The following NPAS3 variants were observed in gnomAD, a reference collection of about 807,000 sequenced individuals.
NPAS3 encodes the protein neuronal PAS domain protein 3.
Under a neutral mutation model 73.1 loss-of-function variants are expected in NPAS3, and 14 were observed. The observed-to-expected ratio is 0.19, with a 90% CI of 0.13 to 0.30. The LOEUF (loss-of-function observed/expected upper bound fraction) is 0.30, where lower values mean the gene tolerates loss of function less well. Among genes scored for constraint, NPAS3 ranks in the 10% least tolerant of loss-of-function variants. The pLI, the probability that NPAS3 is intolerant of heterozygous loss-of-function variation, is 1.00. For missense variants in NPAS3, 1,096 were observed against 1,250.0 expected (o/e 0.88, Z 1.86); for synonymous variants, 620 against 541.5 (o/e 1.14, Z -2.01).
At chr14:33,430,797 G>A (rs1467920105) in intron 4 of NPAS3, among the ~76,000 whole-genome samples, 1 of 152,128 alleles carries the variant, frequency 6.6e-6, no homozygotes, top group Admixed American at 6.6e-5. Flanking sequence ...AGGAGTGGTG[G>A]CCTTTATCTG....
At chr14:33,330,614 G>A (rs2043940625) in intron 3 of NPAS3, among the ~76,000 whole-genome samples, 1 of 152,176 alleles carries the variant, frequency 6.6e-6, no homozygotes, top group East Asian at 1.9e-4. Context: ...ATATCTGAAA[G>A]TATAAAATAA....
In NPAS3 at chr14:33,407,356, G is replaced by C. The variant is rs571882985; in HGVS notation, c.468+40088G>C. On this transcript the variant is annotated intron_variant, in intron 4 of 11. Transcript: ENST00000356141. ...TAGGGATTTTGGTACTACTTGTAAAGCTCCTCAGAGGAAAAGTGGAAAGTC... is the reference window on the plus strand; with the variant it reads ...TAGGGATTTTGGTACTACTTGTAAACCTCCTCAGAGGAAAAGTGGAAAGTC... Among the ~76,000 whole-genome samples, 8 of 152,244 alleles carry C rather than the reference G, an allele frequency of 5.3e-5. No homozygotes were observed. The South Asian group carries it at 1.5e-3, about 28-fold the overall frequency.
chr14:33,340,441 GC>G (rs1340070668), intron 3 of NPAS3, among the ~76,000 whole-genome samples: 1 of 152,218 alleles, frequency 6.6e-6, no homozygotes, highest in African/African-American at 2.4e-5. Flanking sequence ...GTTGCAGTGA[GC>G]CGAGATCGTG....
chr14:33,524,723 G>T (rs1315340255), intron 4 of NPAS3, among the ~76,000 whole-genome samples: 1 of 152,128 alleles, frequency 6.6e-6, no homozygotes, highest in African/African-American at 2.4e-5. Context: ...TGCTGGCAGG[G>T]TTGGTTCCTT....
intron 1 of NPAS3, among the ~76,000 whole-genome samples, chr14:32,952,532 A>G (rs149574099): frequency 1.3e-5 from 2 of 152,192 alleles, no homozygotes; most frequent in African/African-American, 4.8e-5. Context: ...ATATAGATAC[A>G]TTAGTCAACA....
chr14:33,316,071 A>G (rs905084736), intron 3 of NPAS3, among the ~76,000 whole-genome samples: 1 of 152,110 alleles, frequency 6.6e-6, no homozygotes, highest in Non-Finnish European at 1.5e-5. Flanking sequence ...ATTATCTTTT[A>G]TACATTAAAG....
chr14:33,387,990 A>T (rs2046841314), intron 4 of NPAS3, among the ~76,000 whole-genome samples: 1 of 152,184 alleles, frequency 6.6e-6, no homozygotes, highest in South Asian at 2.1e-4. Flanking sequence ...CTCTAAGGAG[A>T]AGGCTTGAAT....
intron 4 of NPAS3, among the ~76,000 whole-genome samples, chr14:33,402,265 T>G (rs1251958892): frequency 6.6e-6 from 1 of 152,096 alleles, no homozygotes; most frequent in Non-Finnish European, 1.5e-5. Flanking sequence ...CATTTTTCAA[T>G]TAATCTGAAA....
chr14:32,938,553 A>G (rs2035805044), upstream of NPAS3, among the ~76,000 whole-genome samples: 2 of 116,120 alleles, frequency 1.7e-5, no homozygotes, highest in Non-Finnish European at 3.6e-5. Flanking sequence ...TCTGCGTACG[A>G]GAGAGCGCTC....
At chr14:33,112,422 G>T (rs1157666849) in intron 2 of NPAS3, among the ~76,000 whole-genome samples, 1 of 152,188 alleles carries the variant, frequency 6.6e-6, no homozygotes, top group Non-Finnish European at 1.5e-5. Context: ...GATGGCCAGT[G>T]ATGATGAGCA....
chr14:33,706,778 T>G (rs1368046430), intron 6 of NPAS3, among the ~76,000 whole-genome samples: 1 of 152,144 alleles, frequency 6.6e-6, no homozygotes, highest in Non-Finnish European at 1.5e-5. Flanking sequence ...CGTCAATAAG[T>G]TAGCCCAAAG....
At chr14:33,151,543 C>G (rs1190305664) in intron 2 of NPAS3, among the ~76,000 whole-genome samples, 1 of 152,124 alleles carries the variant, frequency 6.6e-6, no homozygotes, top group Non-Finnish European at 1.5e-5. Context: ...CCTTTTTAAC[C>G]TCATGATTTA....
intron 1 of NPAS3, among the ~76,000 whole-genome samples, chr14:33,040,597 G>A (rs1032959178): frequency 6.6e-6 from 1 of 152,102 alleles, no homozygotes; most frequent in Non-Finnish European, 1.5e-5. Context: ...CATACCAGGA[G>A]GCACTAATAC....
At chr14:33,047,036 G>A (rs971999596) in intron 1 of NPAS3, among the ~76,000 whole-genome samples, 1 of 151,932 alleles carries the variant, frequency 6.6e-6, no homozygotes, top group Non-Finnish European at 1.5e-5. Context: ...AGATCAAGTG[G>A]GAATATACAG....
intron 5 of NPAS3, among the ~76,000 whole-genome samples, chr14:33,606,466 G>T (rs2057570126): frequency 6.6e-6 from 1 of 152,024 alleles, no homozygotes; most frequent in Admixed American, 6.6e-5. Context: ...TTTCAACAAA[G>T]ATGCAAAGAT....
chr14:32,999,482 G>C (rs560904509), intron 1 of NPAS3, among the ~76,000 whole-genome samples: 1 of 151,684 alleles, frequency 6.6e-6, no homozygotes, highest in African/African-American at 2.4e-5. Flanking sequence ...CTGCACTCCA[G>C]CCTGGGTGAC....
At chr14:32,996,379 T>C (rs915222731) in intron 1 of NPAS3, among the ~76,000 whole-genome samples, 3 of 152,186 alleles carry the variant, frequency 2.0e-5, no homozygotes, top group Non-Finnish European at 2.9e-5. Context: ...CTGCAGAAAT[T>C]TGCATAAATA....
At chr14:33,036,122 CCTT>C (rs1276106136) in intron 1 of NPAS3, among the ~76,000 whole-genome samples, 2 of 152,088 alleles carry the variant, frequency 1.3e-5, no homozygotes, top group African/African-American at 4.8e-5. Flanking sequence ...TTCCAAGTCT[CCTT>C]CTAAGGCAAA....
intron 5 of NPAS3, among the ~76,000 whole-genome samples, chr14:33,620,669 C>T (rs931221142): frequency 6.6e-6 from 1 of 152,114 alleles, no homozygotes; most frequent in Non-Finnish European, 1.5e-5. Flanking sequence ...CATTAATAGA[C>T]ATAACATACA....
Sources: gnomAD v4.1 joint callset for allele counts (sites outside exome capture counted in the v4.1 genomes callset) on GRCh38, gnomAD v4.1.1 for gene constraint, MANE v1.5 for transcripts, NCBI Gene and HGNC (gene_info 2026-07-23, HGNC 2026-07-21) for gene names.